Variants in DYM observed in about 807,000 individuals in gnomAD.
The protein encoded by DYM is dymeclin, also known as dyggve-Melchior-Clausen syndrome protein.
Under a neutral mutation model 93.1 loss-of-function variants are expected in DYM, and 78 were observed. That is an observed-to-expected ratio of 0.84 (90% CI 0.70 to 1.01). The LOEUF is 1.01. Ranked by LOEUF, DYM falls within the 50% of genes least tolerant of loss-of-function variation. The pLI, the probability that DYM is intolerant of heterozygous loss-of-function variation, is 0.00. For synonymous variants in DYM, 321 were observed against 319.7 expected (o/e 1.00, Z -0.04); for missense variants, 789 against 845.0 (o/e 0.93, Z 0.82).
chr18:49,446,342 G>GAT (rs1440555244), intron 1 of DYM, among the ~76,000 whole-genome samples: 1 of 152,132 alleles, frequency 6.6e-6, no homozygotes, highest in Non-Finnish European at 1.5e-5. Flanking sequence ...GATGGGTAAG[G>GAT]ATACTGCTGA....
chr18:49,134,226 C>A (rs1350686656), intron 15 of DYM, among the ~76,000 whole-genome samples: 3 of 152,004 alleles, frequency 2.0e-5, no homozygotes, highest in South Asian at 2.1e-4. Context: ...GAGAAAAAAA[C>A]CAATTAGCCC....
chr18:49,310,659 G>A (rs1159577761), intron 8 of DYM, among the ~76,000 whole-genome samples: 1 of 152,068 alleles, frequency 6.6e-6, no homozygotes, highest in African/African-American at 2.4e-5. Flanking sequence ...ACTCATATCT[G>A]TATTTTCCAG....
chr18:49,411,574 AAATT>A (rs1225525524), intron 2 of DYM, among the ~76,000 whole-genome samples: 7 of 152,162 alleles, frequency 4.6e-5, no homozygotes, highest in African/African-American at 1.4e-4. Flanking sequence ...GAAAAGTGAG[AAATT>A]AATAGCTCAA....
At chr18:49,093,325 A>C (rs2079245506) in intron 17 of DYM, 1 of 152,366 alleles carries the variant, frequency 6.6e-6, no homozygotes, top group African/African-American at 2.4e-5. Flanking sequence ...ACAGCGTTGG[A>C]GCACAGGATC....
intron 13 of DYM, among the ~76,000 whole-genome samples, chr18:49,226,628 T>C (rs2093543286): frequency 6.6e-6 from 1 of 152,138 alleles, no homozygotes; most frequent in South Asian, 2.1e-4. Flanking sequence ...AGAGTTAGGG[T>C]GAAGGGAACT....
intron 1 of DYM, among the ~76,000 whole-genome samples, chr18:49,459,039 T>C (rs1227089981): frequency 6.6e-6 from 1 of 152,214 alleles, no homozygotes; most frequent in Non-Finnish European, 1.5e-5. Context: ...CCCTTTATTA[T>C]TTCACTGTGT....
chr18:49,147,896 A>G (rs1241194846), intron 15 of DYM, among the ~76,000 whole-genome samples: 4 of 152,236 alleles, frequency 2.6e-5, no homozygotes, highest in Non-Finnish European at 5.9e-5. Flanking sequence ...ATGCACGTGT[A>G]TGTTTATTGC....
intron 1 of DYM, among the ~76,000 whole-genome samples, chr18:49,448,468 A>G (rs1355147009): frequency 6.6e-6 from 1 of 152,222 alleles, no homozygotes; most frequent in Non-Finnish European, 1.5e-5. Context: ...GAAGCCAGGC[A>G]AGTCACACAA....
Position 49,391,638 on chromosome 18 carries a change from A to T in DYM, c.148T>A (p.Leu50Met). 6.2e-7 allele frequency: 1 copy of T among 1,613,172 alleles called. No individual in the cohort carries two copies. Among genetic ancestry groups the T allele is most frequent in the Non-Finnish European group, 8.5e-7 (1 of 1,179,336 alleles). ...ATGGTTGCTTCCTCCAAGAGTTTCA[A>T]CTCACTACTGGAGAGACAGAAGAAT... is the stretch of plus-strand genomic sequence containing the variant. ...SFPAPTSSSE[L>M]KLLEEATISV... The change falls in exon 3 of 18, where the codon TTG (leucine) becomes ATG (methionine). Residue 50 changes from leucine to methionine, a missense_variant. Around this residue, in one of 3 missense-constraint regions of DYM, gnomAD observed 450 missense variants for 436.2 expected, o/e 1.03. Coordinates refer to ENST00000675505, the MANE Select transcript of DYM (RefSeq NM_001353214.3).
At chr18:49,373,484 T>C (rs138411645) in intron 5 of DYM, among the ~76,000 whole-genome samples, 13,849 of 152,156 alleles carry the variant, frequency 0.091, 844 homozygotes, top group East Asian at 0.31. Flanking sequence ...GCAGTAAGGA[T>C]GACCAGAGGT....
At chr18:49,146,242 T>C (rs1230983537) in intron 15 of DYM, among the ~76,000 whole-genome samples, 2 of 152,222 alleles carry the variant, frequency 1.3e-5, no homozygotes, top group African/African-American at 4.8e-5. Context: ...GATATCATAC[T>C]GAATGGGCAA....
rs374454689 is a variant in DYM at position 49,455,129 on chromosome 18, C to T, written c.-54+5269G>A. 4.4e-4 allele frequency among the ~76,000 whole-genome samples: 67 copies of T among 152,326 alleles called. 1 individual carries two copies. The South Asian group carries it at 0.013, about 31-fold the overall frequency. ...ACTCACTAAAGGGCATGCCTTCTTA[C>T]TCCGCACATAGTAACCGTACAACTG... is the stretch of plus-strand genomic sequence containing the variant. On this transcript the variant is annotated intron_variant, in intron 1 of 17. Transcript: ENST00000675505.
chr18:49,252,480 G>GC (rs1446970341), intron 13 of DYM, among the ~76,000 whole-genome samples: 2 of 152,020 alleles, frequency 1.3e-5, no homozygotes, highest in African/African-American at 4.8e-5. Flanking sequence ...GAGGGAAACT[G>GC]CCCCCATGAT....
At chr18:49,167,021 TGTGTGTGTGTGTGC>T (rs1452924871) in intron 14 of DYM, among the ~76,000 whole-genome samples, 52 of 144,948 alleles carry the variant, frequency 3.6e-4, no homozygotes, top group African/African-American at 1.4e-3. Flanking sequence ...TGTGTGTGTG[TGTGTGTGTGTGTGC>T]GCGCCTGTGT....
At chr18:49,221,972 G>T (rs2093377553) in intron 13 of DYM, among the ~76,000 whole-genome samples, 1 of 122,132 alleles carries the variant, frequency 8.2e-6, no homozygotes, top group Admixed American at 8.6e-5. Flanking sequence ...TTGGATAAAA[G>T]TACTGTTATT....
intron 15 of DYM, among the ~76,000 whole-genome samples, chr18:49,135,080 C>T (rs2083709090): frequency 6.6e-6 from 1 of 151,966 alleles, no homozygotes; most frequent in South Asian, 2.1e-4. Flanking sequence ...TGCGATCCAG[C>T]CTGGGCAACA....
At chr18:49,252,911 C>A (rs1340754877) in intron 13 of DYM, among the ~76,000 whole-genome samples, 1 of 152,104 alleles carries the variant, frequency 6.6e-6, no homozygotes, top group Non-Finnish European at 1.5e-5. Context: ...CAAATATGCA[C>A]ACTTATGGCA....
chr18:49,378,757 T>C (rs1319408668), intron 4 of DYM, 57 bp from the exon 5 acceptor site: 1 of 1,578,344 alleles, frequency 6.3e-7, no homozygotes, highest in East Asian at 2.3e-5. Context: ...CCATAGTTTA[T>C]TTCTAGTTCA....
intron 8 of DYM, among the ~76,000 whole-genome samples, chr18:49,328,445 A>G (rs544715031): frequency 3.3e-5 from 5 of 152,322 alleles, no homozygotes; most frequent in African/African-American, 1.2e-4. Flanking sequence ...GAAGGCATGA[A>G]AAAAGAGAGC....
Sources: gnomAD v4.1 joint callset for allele counts (sites outside exome capture counted in the v4.1 genomes callset) on GRCh38, gnomAD v4.1.1 for gene constraint, gnomAD v4.1.1 regional missense constraint, MANE v1.5 for transcripts, NCBI Gene and HGNC (gene_info 2026-07-23, HGNC 2026-07-21) for gene names.